Variants in WDFY3 observed in about 807,000 individuals in gnomAD.
WDFY3 encodes WD repeat and FYVE domain containing 3.
Under a neutral mutation model 409.6 loss-of-function variants are expected in WDFY3, and 66 were observed. The observed-to-expected ratio is 0.16, with a 90% CI of 0.13 to 0.20. The LOEUF (loss-of-function observed/expected upper bound fraction) is 0.20. Ranked by LOEUF, WDFY3 falls within the 10% of genes least tolerant of loss-of-function variation. The pLI, the probability that WDFY3 is intolerant of heterozygous loss-of-function variation, is 1.00. For missense variants in WDFY3, 3,031 were observed against 4,298.1 expected (o/e 0.71, Z 8.24); for synonymous variants, 1,521 against 1,537.1 (o/e 0.99, Z 0.25).
At chr4:84,712,133 C>A (rs749941020) in intron 51 of WDFY3, among the ~76,000 whole-genome samples, 1 of 151,544 alleles carries the variant, frequency 6.6e-6, no homozygotes, top group Non-Finnish European at 1.5e-5. Flanking sequence ...AGACCACCCA[C>A]GCCAACATGG....
chr4:84,800,026 A>G (rs553221658), intron 17 of WDFY3, among the ~76,000 whole-genome samples: 1 of 152,250 alleles, frequency 6.6e-6, no homozygotes, highest in East Asian at 1.9e-4. Context: ...GTAGCAGATT[A>G]CCAAAAAGGA....
chr4:84,689,899 C>A lies in WDFY3; in HGVS notation c.9363+607G>T, dbSNP rs190835000. Among the ~76,000 whole-genome samples the A allele has an allele frequency of 2.3e-3, 347 of 152,202 alleles. 2 individuals are homozygous for A. The highest frequency in any genetic ancestry group is 8.0e-3 in the African/African-American group (331 of 41,518). Reference sequence around the variant, plus strand: ...ATCATTAAAAATACTTAGATATATGCTCCTTATTTAAAAAATACCTTATGG... The same window carrying A: ...ATCATTAAAAATACTTAGATATATGATCCTTATTTAAAAAATACCTTATGG... On this transcript the variant is annotated intron_variant, in intron 61 of 67. Coordinates refer to ENST00000295888, the MANE Select transcript of WDFY3 (RefSeq NM_014991.6).
chr4:84,771,039 A>G (rs1744594792), intron 30 of WDFY3, among the ~76,000 whole-genome samples: 1 of 152,236 alleles, frequency 6.6e-6, no homozygotes, highest in South Asian at 2.1e-4. Flanking sequence ...CCCTACTTCA[A>G]TGTTCTATAT....
intron 1 of WDFY3, among the ~76,000 whole-genome samples, chr4:84,939,253 T>TA (rs1461368685): frequency 6.6e-6 from 1 of 152,216 alleles, no homozygotes. Context: ...AAATTCAGGT[T>TA]ATGCAGTCTT....
At chr4:84,893,926 T>C (rs887458293) in intron 3 of WDFY3, among the ~76,000 whole-genome samples, 3 of 151,864 alleles carry the variant, frequency 2.0e-5, no homozygotes, top group Admixed American at 1.3e-4. Flanking sequence ...GAGGCAGAGG[T>C]TGCAATGAGC....
At chr4:84,890,672 GGGT>G (rs1764830038) in intron 3 of WDFY3, among the ~76,000 whole-genome samples, 1 of 152,188 alleles carries the variant, frequency 6.6e-6, no homozygotes, top group African/African-American at 2.4e-5. Context: ...TCTCAGTTAA[GGGT>G]CAGATAGCAA....
In WDFY3 at chr4:84,801,655, C is replaced by T. The variant is rs1394969483; in HGVS notation, c.2817G>A (p.Val939=). The T allele has an allele frequency of 6.2e-7, 1 of 1,608,936 alleles. No individual in the cohort carries two copies. Reference sequence around the variant, plus strand: ...GAGTATGAAAGAGAACTTACCTCAACACCATGGGTTCCAGAGCCTGAGAGG... The same window carrying T: ...GAGTATGAAAGAGAACTTACCTCAATACCATGGGTTCCAGAGCCTGAGAGG... ...RLASQALEPM[V]LREFLRLASP... is the part of the protein sequence containing the mutation. Residue 939 remains valine (V), a synonymous_variant, in exon 17 of 68, where the codon GTG becomes GTA. Coordinates refer to ENST00000295888, the MANE Select transcript of WDFY3 (RefSeq NM_014991.6).
At chr4:84,764,201 C>A (rs1301866244) in intron 32 of WDFY3, among the ~76,000 whole-genome samples, 1 of 152,180 alleles carries the variant, frequency 6.6e-6, no homozygotes, top group Admixed American at 6.5e-5. Context: ...ATAAGCATTG[C>A]TGTCAATTAG....
intron 2 of WDFY3, among the ~76,000 whole-genome samples, chr4:84,897,327 T>C (rs899388345): frequency 6.6e-6 from 1 of 152,178 alleles, no homozygotes; most frequent in Admixed American, 6.5e-5. Flanking sequence ...TATAAACTTT[T>C]CAGCTTGTTG....
intron 6 of WDFY3, among the ~76,000 whole-genome samples, chr4:84,839,177 T>C (rs1191991006): frequency 1.3e-5 from 2 of 152,186 alleles, no homozygotes; most frequent in African/African-American, 2.4e-5. Context: ...TAGGTTTTTA[T>C]AGAAAATATG....
intron 30 of WDFY3, among the ~76,000 whole-genome samples, chr4:84,771,431 T>C (rs955538885): frequency 1.3e-5 from 2 of 152,202 alleles, no homozygotes; most frequent in African/African-American, 4.8e-5. Context: ...AGCCACCATG[T>C]TCAGCCCACA....
At chr4:84,737,842 C>T (rs185035666) in intron 40 of WDFY3, among the ~76,000 whole-genome samples, 1 of 152,124 alleles carries the variant, frequency 6.6e-6, no homozygotes, top group Non-Finnish European at 1.5e-5. Flanking sequence ...CCAGACCAGT[C>T]GGCCCTCAGC....
chr4:84,862,714 G>A (rs1337506588), intron 3 of WDFY3, among the ~76,000 whole-genome samples: 4 of 152,058 alleles, frequency 2.6e-5, no homozygotes, highest in African/African-American at 4.8e-5. Flanking sequence ...TCTGCTGGGC[G>A]CGGCGGCTGA....
intron 57 of WDFY3, 66 bp downstream of exon 57, chr4:84,696,666 T>G: frequency 6.6e-7 from 1 of 1,518,172 alleles, no homozygotes; most frequent in Non-Finnish European, 9.1e-7. Context: ...CTAGAGGCCC[T>G]GTCTTTGTAT....
intron 62 of WDFY3, among the ~76,000 whole-genome samples, chr4:84,685,091 T>C (rs1389590154): frequency 3.9e-5 from 6 of 152,200 alleles, no homozygotes; most frequent in South Asian, 2.1e-4. Context: ...GCCTCTTTCA[T>C]TCCTAAGATA....
intron 2 of WDFY3, among the ~76,000 whole-genome samples, chr4:84,899,873 A>C (rs924851951): frequency 5.3e-5 from 8 of 152,126 alleles, no homozygotes; most frequent in Middle Eastern, 6.8e-3. Flanking sequence ...CATCTCCACA[A>C]AAAAAAATTA....
At chr4:84,848,848 T>C (rs996555673) in intron 5 of WDFY3, among the ~76,000 whole-genome samples, 12 of 152,164 alleles carry the variant, frequency 7.9e-5, no homozygotes, top group African/African-American at 2.7e-4. Context: ...TTGTCTCTTA[T>C]TGACCCTTGG....
intron 2 of WDFY3, among the ~76,000 whole-genome samples, chr4:84,910,755 G>A (rs1767651681): frequency 6.6e-6 from 1 of 152,156 alleles, no homozygotes; most frequent in Non-Finnish European, 1.5e-5. Context: ...GCCCAGGCTG[G>A]AGTGCAGTGG....
In WDFY3 at chr4:84,780,210, G is replaced by A. The variant is rs748082605; in HGVS notation, c.4263C>T (p.Ala1421=). 1 of 1,613,972 alleles carries A rather than the reference G, an allele frequency of 6.2e-7. No individual in the cohort carries two copies. Among genetic ancestry groups the A allele is most frequent in the South Asian group, 1.1e-5 (1 of 91,030 alleles). The change falls in exon 26 of 68, where the codon GCC becomes GCT. Residue 1421 remains alanine (A), a synonymous_variant. Transcript: ENST00000295888. The part of the protein sequence containing the change: ...AAAILGLVAM[A]SDVEGLYAAV... ...CTGCATATAACCCTTCCACATCAGA[G>A]GCCATGGCCACCAGGCCCAGGATGG...
Sources: gnomAD v4.1 joint callset for allele counts (sites outside exome capture counted in the v4.1 genomes callset) on GRCh38, gnomAD v4.1.1 for gene constraint, MANE v1.5 for transcripts, NCBI Gene and HGNC (gene_info 2026-07-23, HGNC 2026-07-21) for gene names.